The following WBP2NL variants were observed in gnomAD, a reference collection of about 807,000 sequenced individuals.
The protein encoded by WBP2NL is postacrosomal sheath WW domain-binding protein.
In WBP2NL, 27 loss-of-function variants were observed where a neutral mutation model predicts 23.3. The ratio of observed to expected loss-of-function variants is 1.16; its 90% CI spans 0.85 to 1.60. The LOEUF is 1.60. Among genes scored for constraint, WBP2NL ranks in the 40% most tolerant of loss-of-function variants. WBP2NL has a pLI of 0.00. For synonymous variants in WBP2NL, 151 were observed against 145.9 expected (o/e 1.03, Z -0.25); for missense variants, 370 against 389.5 (o/e 0.95, Z 0.42).
At chr22:42,004,202 G>T (rs575747858) in intron 1 of WBP2NL, among the ~76,000 whole-genome samples, 1 of 152,196 alleles carries the variant, frequency 6.6e-6, no homozygotes, top group South Asian at 2.1e-4. Context: ...AACCCAGGAG[G>T]TGGAGGTTGC....
intron 1 of WBP2NL, among the ~76,000 whole-genome samples, chr22:42,008,727 C>T (rs964164528): frequency 3.3e-5 from 5 of 152,104 alleles, no homozygotes; most frequent in Admixed American, 6.6e-5. Flanking sequence ...CCTGCCTCAG[C>T]CTCCTGAGTA....
chr22:42,021,288 A>G (rs952324128), intron 4 of WBP2NL, among the ~76,000 whole-genome samples: 1 of 151,828 alleles, frequency 6.6e-6, no homozygotes, highest in East Asian at 1.9e-4. Context: ...GGAAATAAAG[A>G]TCTCCCCTGG....
At chr22:42,030,025 A>C (rs1219829506), downstream of WBP2NL, 1 of 152,236 alleles carries the variant, frequency 6.6e-6, no homozygotes, top group East Asian at 1.9e-4. Context: ...TAAGGAAGTC[A>C]GGTAGATATT....
intron 8 of WBP2NL, among the ~76,000 whole-genome samples, chr22:42,055,428 G>C (rs763431850): frequency 4.6e-5 from 7 of 152,172 alleles, no homozygotes; most frequent in Non-Finnish European, 8.8e-5. Context: ...GCCCGACTTG[G>C]CCTCCCAAAG....
intron 1 of WBP2NL, among the ~76,000 whole-genome samples, chr22:42,017,613 A>G (rs1416161269): frequency 6.6e-6 from 1 of 152,174 alleles, no homozygotes; most frequent in Non-Finnish European, 1.5e-5. Context: ...CATTCTTTTA[A>G]TAACTATTTA....
chr22:42,034,084 C>T (rs889936250), downstream of WBP2NL, among the ~76,000 whole-genome samples: 16 of 152,226 alleles, frequency 1.1e-4, no homozygotes, highest in Non-Finnish European at 2.4e-4. Flanking sequence ...TCCTTCTATG[C>T]TCATTGTGCC....
chr22:42,054,818 G>T (rs1925974212), intron 8 of WBP2NL, among the ~76,000 whole-genome samples: 1 of 151,950 alleles, frequency 6.6e-6, no homozygotes, highest in African/African-American at 2.4e-5. Flanking sequence ...GAACCCAGGG[G>T]TTTAAGCCTG....
chr22:42,012,629 G>A (rs1922924944), intron 1 of WBP2NL, among the ~76,000 whole-genome samples: 1 of 151,914 alleles, frequency 6.6e-6, no homozygotes, highest in Admixed American at 6.6e-5. Flanking sequence ...TGTTTATTTG[G>A]TAATGTCTTA....
Position 42,027,023 on chromosome 22 carries a change from G to C in WBP2NL, c.772G>C (p.Gly258Arg), listed in dbSNP as rs966890666. 4 of 1,613,816 alleles carry C rather than the reference G, an allele frequency of 2.5e-6. No homozygotes were observed. In the African/African-American group the frequency reaches 5.3e-5, roughly 22 times the overall value. Residue 258 changes from glycine (G) to arginine (R), a missense_variant, in exon 6 of 6, where the codon GGA becomes CGA. Gly to Arg is a moderately radical substitution (Grantham distance 125). Coordinates refer to ENST00000328823, the MANE Select transcript of WBP2NL (RefSeq NM_152613.3). ...PPLGYGAPPL[G>R]YGAPPAGNEG... ...TCTCGGATATGGAGCCCCACCTCTC[G>C]GATATGGAGCCCCACCTGCAGGAAA... is the stretch of plus-strand genomic sequence containing the variant.
intron 4 of WBP2NL, among the ~76,000 whole-genome samples, chr22:42,021,573 C>A (rs1483833428): frequency 6.6e-6 from 1 of 152,184 alleles, no homozygotes; most frequent in Non-Finnish European, 1.5e-5. Context: ...GGAGACAAGA[C>A]AAAAGTGTTT....
At chr22:42,055,850 C>G (rs181762019) in intron 8 of WBP2NL, among the ~76,000 whole-genome samples, 52 of 152,196 alleles carry the variant, frequency 3.4e-4, no homozygotes, top group Admixed American at 2.3e-3. Context: ...GACCCTCCCC[C>G]CAACCCTAGT....
Position 42,051,199 on chromosome 22 carries a change from A to G in WBP2NL, c.*274-7091A>G, listed in dbSNP as rs559229264. 6.6e-5 allele frequency among the ~76,000 whole-genome samples: 10 copies of G among 152,370 alleles called. No homozygotes were observed. The South Asian group carries it at 1.9e-3, about 28-fold the overall frequency. ...ATGTACTATCAAACCATGAAAAGAT[A>G]TGGAGGAACCCTAGATTCATATTGC... On this transcript the variant is annotated intron_variant and NMD_transcript_variant, in intron 8 of 8. Transcript: ENST00000436265.
chr22:42,021,355 T>C (rs922980750), intron 4 of WBP2NL, among the ~76,000 whole-genome samples: 22 of 152,204 alleles, frequency 1.4e-4, no homozygotes, highest in African/African-American at 5.3e-4. Flanking sequence ...TCACATGCCA[T>C]AGGCAAAACT....
intron 8 of WBP2NL, among the ~76,000 whole-genome samples, chr22:42,053,454 TTTTC>T (rs1431643602): frequency 6.7e-6 from 1 of 148,458 alleles, no homozygotes; most frequent in Non-Finnish European, 1.5e-5. Flanking sequence ...TTTTTCCTCT[TTTTC>T]TTTTTCTTTT....
intron 8 of WBP2NL, among the ~76,000 whole-genome samples, chr22:42,047,987 C>G (rs183894087): frequency 4.3e-4 from 65 of 152,074 alleles, no homozygotes; most frequent in African/African-American, 1.5e-3. Context: ...AACATAGATG[C>G]AAAAATCCTC....
intron 1 of WBP2NL, among the ~76,000 whole-genome samples, chr22:42,011,555 G>A (rs1922820389): frequency 6.6e-6 from 1 of 151,718 alleles, no homozygotes; most frequent in South Asian, 2.1e-4. Flanking sequence ...ACCTAGCTGA[G>A]AGGTTTTTGG....
downstream of WBP2NL, chr22:42,031,386 G>A (rs1569452792): frequency 6.6e-6 from 1 of 152,146 alleles, no homozygotes; most frequent in Non-Finnish European, 1.5e-5. Context: ...CCTCACTGAC[G>A]TTTTGAGTAC....
At chr22:42,037,305 G>T (rs551433232), downstream of WBP2NL, among the ~76,000 whole-genome samples, 1 of 152,014 alleles carries the variant, frequency 6.6e-6, no homozygotes, top group Admixed American at 6.6e-5. Context: ...CATTTTGTCT[G>T]TGTCTGTTTT....
intron 5 of WBP2NL, among the ~76,000 whole-genome samples, chr22:42,024,454 G>T (rs1218176109): frequency 6.6e-6 from 1 of 151,980 alleles, no homozygotes; most frequent in Non-Finnish European, 1.5e-5. Flanking sequence ...CTGTGTAAAT[G>T]TAAGTGTTCC....
Sources: gnomAD v4.1 joint callset for allele counts (sites outside exome capture counted in the v4.1 genomes callset) on GRCh38, gnomAD v4.1.1 for gene constraint, MANE v1.5 for transcripts, NCBI Gene and HGNC (gene_info 2026-07-23, HGNC 2026-07-21) for gene names.